The following ADGRL3 variants were observed in gnomAD, a reference collection of about 807,000 sequenced individuals.
ADGRL3 encodes the protein adhesion G protein-coupled receptor L3.
In ADGRL3, 62 loss-of-function variants were observed where a neutral mutation model predicts 153.5. That is an observed-to-expected ratio of 0.40 (90% CI 0.33 to 0.50). The LOEUF (loss-of-function observed/expected upper bound fraction) is 0.50. ADGRL3 is among the 20% of genes least tolerant of loss of function. ADGRL3 has a pLI of 0.47. For missense variants in ADGRL3, 1,641 were observed against 1,859.4 expected (o/e 0.88, Z 2.16); for synonymous variants, 710 against 672.5 (o/e 1.06, Z -0.86).
At chr4:61,526,439 A>G (rs1431785396) in intron 4 of ADGRL3, among the ~76,000 whole-genome samples, 2 of 151,858 alleles carry the variant, frequency 1.3e-5, no homozygotes, top group Admixed American at 1.3e-4. Flanking sequence ...GGTTAATTGT[A>G]AATCATTAGG....
At chr4:61,663,695 G>A (rs1182497669) in intron 5 of ADGRL3, among the ~76,000 whole-genome samples, 3 of 152,164 alleles carry the variant, frequency 2.0e-5, no homozygotes, top group Non-Finnish European at 4.4e-5. Flanking sequence ...GACATCCCAC[G>A]TCTCCTGTGA....
intron 1 of ADGRL3, among the ~76,000 whole-genome samples, chr4:61,382,786 G>C (rs966356296): frequency 6.6e-6 from 1 of 151,798 alleles, no homozygotes; most frequent in Admixed American, 6.6e-5. Context: ...TTAGCTTGAA[G>C]AGCCTGTGGC....
In ADGRL3 at chr4:61,879,719, T is replaced by C. The variant is rs140997280; in HGVS notation, c.1481-12937T>C. 4.8e-3 allele frequency among the ~76,000 whole-genome samples: 735 copies of C among 151,980 alleles called. 11 individuals are homozygous for C. The highest frequency in any genetic ancestry group is 0.017 in the African/African-American group (700 of 41,414). ...TTCAGGTCTTTATTACTCTATTAAT[T>C]AATTAATTGTTATTATTTGAAACAC... On this transcript the variant is annotated intron_variant, in intron 9 of 26. Transcript: ENST00000683033.
intron 6 of ADGRL3, among the ~76,000 whole-genome samples, chr4:61,719,937 G>T (rs1264961875): frequency 1.3e-5 from 2 of 151,892 alleles, no homozygotes; most frequent in South Asian, 2.1e-4. Flanking sequence ...TCAAATGCTG[G>T]CTCCTTGCTT....
intron 6 of ADGRL3, among the ~76,000 whole-genome samples, chr4:61,682,626 A>C (rs2095361879): frequency 6.7e-6 from 1 of 148,676 alleles, no homozygotes; most frequent in South Asian, 2.1e-4. Flanking sequence ...GTCTCAAAGC[A>C]ATCTTTCTGT....
chr4:61,540,415 G>A (rs529008827), intron 4 of ADGRL3, among the ~76,000 whole-genome samples: 6 of 152,094 alleles, frequency 3.9e-5, no homozygotes, highest in African/African-American at 1.4e-4. Context: ...CAGGTGTAGT[G>A]GCACAAGCCT....
chr4:61,454,108 A>G (rs1422044269), intron 2 of ADGRL3, among the ~76,000 whole-genome samples: 1 of 152,136 alleles, frequency 6.6e-6, no homozygotes, highest in Non-Finnish European at 1.5e-5. Context: ...TTCCATATAA[A>G]GGGCTCAGCA....
At chr4:61,794,794 G>A (rs1228943107) in intron 8 of ADGRL3, among the ~76,000 whole-genome samples, 1 of 152,162 alleles carries the variant, frequency 6.6e-6, no homozygotes, top group Non-Finnish European at 1.5e-5. Flanking sequence ...GCCTAAATGA[G>A]GTAAACCATT....
intron 1 of ADGRL3, among the ~76,000 whole-genome samples, chr4:61,220,313 C>T (rs1475300343): frequency 6.6e-6 from 1 of 151,970 alleles, no homozygotes; most frequent in Non-Finnish European, 1.5e-5. Context: ...AGGACAAGCT[C>T]TAATAACTTG....
At chr4:61,355,352 C>A (rs2096143704) in intron 1 of ADGRL3, among the ~76,000 whole-genome samples, 1 of 152,048 alleles carries the variant, frequency 6.6e-6, no homozygotes, top group Non-Finnish European at 1.5e-5. Context: ...ATATCTTATT[C>A]TCAGAATATA....
intron 6 of ADGRL3, among the ~76,000 whole-genome samples, chr4:61,688,662 T>C (rs374951116): frequency 6.6e-6 from 1 of 152,198 alleles, no homozygotes. Flanking sequence ...CTTGGAATTA[T>C]GTAATCCACC....
At chr4:61,323,704 C>G (rs2095410765) in intron 1 of ADGRL3, among the ~76,000 whole-genome samples, 1 of 152,210 alleles carries the variant, frequency 6.6e-6, no homozygotes, top group Admixed American at 6.5e-5. Context: ...ATATCACTAT[C>G]AGCATTTTTG....
chr4:62,056,614 T>G (rs1290666709), intron 25 of ADGRL3, among the ~76,000 whole-genome samples: 7 of 152,072 alleles, frequency 4.6e-5, no homozygotes, highest in Admixed American at 4.6e-4. Context: ...AGACTGTTTT[T>G]ACTTGTTAAA....
chr4:61,582,504 C>A (rs1326045208), intron 4 of ADGRL3, among the ~76,000 whole-genome samples: 1 of 151,964 alleles, frequency 6.6e-6, no homozygotes, highest in South Asian at 2.1e-4. Flanking sequence ...CATGTACTTG[C>A]AAAAGATATG....
chr4:61,791,369 T>G (rs1001388849), intron 8 of ADGRL3, among the ~76,000 whole-genome samples: 1 of 152,202 alleles, frequency 6.6e-6, no homozygotes, highest in Non-Finnish European at 1.5e-5. Flanking sequence ...AGTCAAATCT[T>G]AAAGCTCCAA....
intron 5 of ADGRL3, among the ~76,000 whole-genome samples, chr4:61,667,068 A>G (rs1171542400): frequency 3.3e-5 from 5 of 152,270 alleles, no homozygotes; most frequent in Non-Finnish European, 7.4e-5. Context: ...GCATCGTTCT[A>G]TGAATTTTAC....
intron 5 of ADGRL3, among the ~76,000 whole-genome samples, chr4:61,606,915 T>C (rs1230752874): frequency 1.3e-5 from 2 of 152,138 alleles, no homozygotes; most frequent in African/African-American, 4.8e-5. Flanking sequence ...GAAGGGAAAC[T>C]GAATTGAGAG....
chr4:61,878,976 A>C (rs2098492941), intron 9 of ADGRL3, among the ~76,000 whole-genome samples: 1 of 152,174 alleles, frequency 6.6e-6, no homozygotes, highest in African/African-American at 2.4e-5. Flanking sequence ...ATATTGATGT[A>C]ATATGTCCCT....
At chr4:61,677,986 A>C (rs1012906204) in intron 6 of ADGRL3, among the ~76,000 whole-genome samples, 5 of 152,042 alleles carry the variant, frequency 3.3e-5, no homozygotes, top group Admixed American at 6.6e-5. Context: ...AGAATGAATG[A>C]TTAGAGAAAG....
Sources: allele counts gnomAD v4.1 joint callset (sites outside exome capture counted in the v4.1 genomes callset), GRCh38; gene constraint gnomAD v4.1.1; transcripts MANE v1.5; gene names NCBI Gene and HGNC (gene_info 2026-07-23, HGNC 2026-07-21).